The following SPDYE16 variants were observed in gnomAD, a reference collection of about 807,000 sequenced individuals.
The protein encoded by SPDYE16 is speedy/RINGO cell cycle regulator family member E16, also known as speedy protein E16.
In SPDYE16, 5 loss-of-function variants were observed where a neutral mutation model predicts 40.1. The observed-to-expected ratio is 0.12, with a 90% CI of 0.07 to 0.26. SPDYE16 has a LOEUF of 0.26. SPDYE16 is among the 10% of genes least tolerant of loss of function. The pLI is 1.00. For missense variants in SPDYE16, 98 were observed against 409.8 expected (o/e 0.24, Z 6.57); for synonymous variants, 40 against 154.2 (o/e 0.26, Z 5.49).
At chr7:76,542,078 G>C (rs1404209563) in intron 1 of SPDYE16, among the ~76,000 whole-genome samples, 198 bp from the exon 2 acceptor site, 4 of 151,950 alleles carry the variant, frequency 2.6e-5, no homozygotes, top group Non-Finnish European at 4.4e-5. Context: ...ACAAGAGTGA[G>C]ATTATCATGT....
intron 6 of SPDYE16, among the ~76,000 whole-genome samples, chr7:76,535,491 C>T (rs1193808309): frequency 1.3e-5 from 1 of 75,682 alleles, no homozygotes; most frequent in Non-Finnish European, 2.5e-5. Flanking sequence ...GAACTGTGGC[C>T]TCTGTCATGG....
intron 6 of SPDYE16, among the ~76,000 whole-genome samples, chr7:76,535,733 T>C: frequency 1.8e-5 from 1 of 54,122 alleles, no homozygotes. Context: ...AGAAAAAGTC[T>C]CACTCTGTCA....
rs891289301 is a variant in SPDYE16, at chr7:76,541,395, C to T, written c.65G>A (p.Arg22His). ...CTGCTCATTCTGGGGGTGAGGTTGACGGCTGGTCGTGATCTTTCCCTTAAT... is the reference window on the plus strand; with the variant it reads ...CTGCTCATTCTGGGGGTGAGGTTGATGGCTGGTCGTGATCTTTCCCTTAAT... ...GQIKGKITTS[R>H]QPHPQNEQSP... The change falls in exon 2 of 9, where the codon CGT (arginine) becomes CAT (histidine). Residue 22 changes from arginine to histidine, a missense_variant. By Grantham distance (29) the Arg-to-His change is conservative. Coordinates refer to ENST00000633306, the MANE Select transcript of SPDYE16 (RefSeq NM_001394943.1). The T allele has an allele frequency of 3.1e-5, 48 of 1,534,618 alleles. No individual in the cohort carries two copies. The highest frequency in any genetic ancestry group is 6.9e-5 in the African/African-American group (5 of 72,792).
chr7:76,541,937 A>C (rs1202230917), intron 1 of SPDYE16, among the ~76,000 whole-genome samples, 57 bp from the exon 2 acceptor site: 2 of 135,990 alleles, frequency 1.5e-5, no homozygotes, highest in Non-Finnish European at 3.1e-5. Flanking sequence ...AAACGATGAA[A>C]CCTTATAAGA....
intron 4 of SPDYE16, among the ~76,000 whole-genome samples, chr7:76,538,336 G>T: frequency 9.0e-6 from 1 of 111,144 alleles, no homozygotes; most frequent in Non-Finnish European, 1.9e-5. Flanking sequence ...AACGTGCTAG[G>T]ATCTCAGGCG....
intron 2 of SPDYE16, among the ~76,000 whole-genome samples, chr7:76,540,677 A>C (rs1215019107): frequency 3.7e-5 from 4 of 106,902 alleles, no homozygotes; most frequent in Non-Finnish European, 5.5e-5. Context: ...AGCTCACTGC[A>C]ACATCCATCT....
At chr7:76,533,356 A>C (rs1812960893) in intron 8 of SPDYE16, 1 of 660,902 alleles carries the variant, frequency 1.5e-6, no homozygotes, top group African/African-American at 2.6e-5. Context: ...CTCAGTATTT[A>C]TGATTCTTTT....
At position 76,537,556 on chromosome 7, in the gene SPDYE16, G is replaced by A; in HGVS notation, c.611-5C>T. 2.6e-6 allele frequency: 2 copies of A among 777,918 alleles called. 1 individual carries two copies. Among genetic ancestry groups the A allele is most frequent in the Non-Finnish European group, 3.6e-6 (2 of 552,050 alleles). 48.2% of individuals were successfully genotyped at this position (777,918 alleles called of 1,614,324 possible). On this transcript the variant is annotated splice_polypyrimidine_tract_variant and splice_region_variant and intron_variant, in intron 4 of 8. Coordinates refer to ENST00000633306, the MANE Select transcript of SPDYE16 (RefSeq NM_001394943.1). ...ATCTTTTAATGACAGGATCCTCTGTGATTAGAGAGCAGATGTCAGTGTGAG... is the reference window on the plus strand; with the variant it reads ...ATCTTTTAATGACAGGATCCTCTGTAATTAGAGAGCAGATGTCAGTGTGAG...
rs1812931555 is a variant in SPDYE16 at position 76,531,596 on chromosome 7, A to G, written c.*1244T>C. The stretch of plus-strand genomic sequence containing the variant: ...ATATGTTAACTAAGTATCATAGATA[A>G]AAACCATGCTCCCTTCAGCAGCACG... On this transcript the variant is annotated 3_prime_UTR_variant, in exon 9 of 9. Transcript: ENST00000633306. 1.2e-5 allele frequency: 1 copy of G among 82,622 alleles called. No homozygotes were observed. Among genetic ancestry groups the G allele is most frequent in the South Asian group, 4.2e-4 (1 of 2,366 alleles). 5.1% of individuals were successfully genotyped at this position (82,622 alleles called of 1,614,324 possible). A position where few individuals can be genotyped will look rare whatever the true frequency, so the allele number is the denominator to read the frequency against.
chr7:76,538,357 C>T (rs1377095844), intron 4 of SPDYE16, among the ~76,000 whole-genome samples: 1 of 127,658 alleles, frequency 7.8e-6, no homozygotes, highest in Non-Finnish European at 1.7e-5. Flanking sequence ...TGAGCCACTG[C>T]ACCTGGCCTG....
chr7:76,534,036 C>T lies in SPDYE16; in HGVS notation c.839G>A (p.Arg280His), dbSNP rs1294483091. The part of the protein sequence containing the change: ...FYFLYGKTRS[R>H]IPLVRNRRFQ... The stretch of plus-strand genomic sequence containing the variant: ...CCGACGGTTACGGACCAAGGGTATG[C>T]GAGAGCGGGTCTTCCCATACAGGAA... Residue 280 changes from arginine to histidine, a missense_variant, in exon 7 of 9, where the codon CGC (arginine) becomes CAC (histidine). Physicochemically the swap from Arg to His is conservative, Grantham distance 29 (BLOSUM62 0). Transcript: ENST00000633306. 4.6e-5 allele frequency: 70 copies of T among 1,522,038 alleles called. No homozygotes were observed. In the African/African-American group the frequency reaches 6.4e-4, roughly 14 times the overall value. The allele number at this position is 1,522,038 out of a possible 1,614,324, so 94.3% of individuals were successfully genotyped here.
chr7:76,536,809 C>A (rs1348783806), intron 5 of SPDYE16, among the ~76,000 whole-genome samples: 1 of 87,588 alleles, frequency 1.1e-5, no homozygotes, highest in East Asian at 2.9e-4. Context: ...TCATGTGAGC[C>A]CAACAGTTCG....
At chr7:76,536,576 T>G (rs1170480592) in intron 5 of SPDYE16, among the ~76,000 whole-genome samples, 1 of 106,202 alleles carries the variant, frequency 9.4e-6, no homozygotes, top group Admixed American at 8.6e-5. Context: ...CCCGAAGAGC[T>G]GAGAGTAGAG....
intron 1 of SPDYE16, among the ~76,000 whole-genome samples, 143 bp from the exon 2 acceptor site, chr7:76,542,023 T>TACAAGAGTGAGATTATCAC (rs1490345071): frequency 3.5e-4 from 37 of 104,858 alleles, no homozygotes; most frequent in African/African-American, 1.3e-3. Context: ...GAGATTATCA[T>TACAAGAGTGAGATTATCAC]GTACAAGAGT....
In SPDYE16 at chr7:76,541,324, C is replaced by A; in HGVS notation, c.136G>T (p.Asp46Tyr). The A allele has an allele frequency of 6.5e-7, 1 of 1,534,720 alleles. No individual in the cohort carries two copies. The highest frequency in any genetic ancestry group is 2.0e-5 in the Admixed American group (1 of 50,950). ...CCTGATGATCCCAACACTTCATCAT[C>A]CACCACCTCCTGGAGGGAGTACCCC... is the stretch of plus-strand genomic sequence containing the variant. The part of the protein sequence containing the change: ...TSGYSLQEVV[D>Y]DEVLGSSAPG... The change falls in exon 2 of 9, where the codon GAT becomes TAT. Residue 46 changes from aspartate (D) to tyrosine (Y), a missense_variant. Transcript: ENST00000633306.
At position 76,536,489 on chromosome 7, in the gene SPDYE16, C is replaced by T. The variant is rs1427025734; in HGVS notation, c.670-232G>A. ...GTGATGCTCCCAGGATGGTGGGCTC[C>T]GATGGGATCTTTGGAGGGGGTGTGT... On this transcript the variant is annotated intron_variant, in intron 5 of 8. Transcript: ENST00000633306. Among the ~76,000 whole-genome samples the T allele has an allele frequency of 7.9e-5, 7 of 88,912 alleles. 1 individual carries two copies. Among genetic ancestry groups the T allele is most frequent in the Admixed American group, 6.2e-4 (6 of 9,748 alleles). The allele number at this position is 88,912 out of a possible 152,430, so 58.3% of individuals were successfully genotyped here.
chr7:76,537,020 C>CAA lies in SPDYE16; in HGVS notation c.669+471_669+472dup, dbSNP rs545004622. 1.5e-3 allele frequency among the ~76,000 whole-genome samples: 68 copies of CAA among 44,072 alleles called. No individual in the cohort carries two copies. In the East Asian group the frequency reaches 0.02, roughly 13 times the overall value. 28.9% of individuals were successfully genotyped at this position (44,072 alleles called of 152,430 possible). A position where few individuals can be genotyped will look rare whatever the true frequency, so the allele number is the denominator to read the frequency against. The stretch of plus-strand genomic sequence containing the variant: ...GGGAGCAGAGCTAGACTCTGTCTCA[C>CAA]AAAAAAAAAATGTGTGGGTGCCAAG... On this transcript the variant is annotated intron_variant, in intron 5 of 8. Transcript: ENST00000633306.
Position 76,540,601 on chromosome 7 carries a change from G to A in SPDYE16, c.161-255C>T, listed in dbSNP as rs1248667927. 6.0e-5 allele frequency: 69 copies of A among 1,145,030 alleles called. 13 individuals carry two copies. Among genetic ancestry groups the A allele is most frequent in the Non-Finnish European group, 7.2e-5 (65 of 901,434 alleles). The allele number at this position is 1,145,030 out of a possible 1,614,324, so 70.9% of individuals were successfully genotyped here. ...TGGCTCTCTGAGTCCCTCCTTTTTT[G>A]TTTTGTTTTGTTTTGACACAGAATC... On this transcript the variant is annotated intron_variant, in intron 2 of 8. Coordinates refer to ENST00000633306, the MANE Select transcript of SPDYE16 (RefSeq NM_001394943.1).
In SPDYE16 at chr7:76,531,909, T is replaced by C. The variant is rs1354680182; in HGVS notation, c.*931A>G. 1 of 82,102 alleles carries C rather than the reference T, an allele frequency of 1.2e-5. No individual in the cohort carries two copies. Among genetic ancestry groups the C allele is most frequent in the African/African-American group, 6.7e-5 (1 of 14,958 alleles). The allele number at this position is 82,102 out of a possible 1,614,324, so 5.1% of individuals were successfully genotyped here. ...TTTCAAAATAAACCAATAAATTAGA[T>C]AGTATATATTAGACGTGTTAGTATA... is the stretch of plus-strand genomic sequence containing the variant. On this transcript the variant is annotated 3_prime_UTR_variant, in exon 9 of 9. Coordinates refer to ENST00000633306, the MANE Select transcript of SPDYE16 (RefSeq NM_001394943.1).
Sources: gnomAD v4.1 joint callset for allele counts (sites outside exome capture counted in the v4.1 genomes callset) on GRCh38, gnomAD v4.1.1 for gene constraint, MANE v1.5 for transcripts, NCBI Gene and HGNC (gene_info 2026-07-23, HGNC 2026-07-21) for gene names.